Variants in SPOCK1 observed in about 807,000 individuals in gnomAD.
SPOCK1 encodes SPARC (osteonectin), cwcv and kazal like domains proteoglycan 1.
A neutral mutation model predicts 55.3 loss-of-function variants in SPOCK1; 23 were observed. That is an observed-to-expected ratio of 0.42 (90% CI 0.30 to 0.59). The LOEUF (loss-of-function observed/expected upper bound fraction) is 0.59. Among genes scored for constraint, SPOCK1 ranks in the 20% least tolerant of loss-of-function variants. The pLI is 0.22. For synonymous variants in SPOCK1, 226 were observed against 221.0 expected (o/e 1.02, Z -0.20); for missense variants, 499 against 552.5 (o/e 0.90, Z 0.97).
intron 3 of SPOCK1, among the ~76,000 whole-genome samples, chr5:137,243,482 C>T (rs1756330544): frequency 6.6e-6 from 1 of 152,104 alleles, no homozygotes; most frequent in Non-Finnish European, 1.5e-5. Flanking sequence ...ATGGGAACTG[C>T]TGTATTCACA....
intron 2 of SPOCK1, among the ~76,000 whole-genome samples, chr5:137,271,113 A>G (rs1248861417): frequency 6.6e-6 from 1 of 152,048 alleles, no homozygotes; most frequent in Non-Finnish European, 1.5e-5. Flanking sequence ...GGTTGGTGTT[A>G]GTGGGAGAGG....
At chr5:137,143,496 C>T (rs1356747218) in intron 3 of SPOCK1, among the ~76,000 whole-genome samples, 2 of 152,140 alleles carry the variant, frequency 1.3e-5, no homozygotes, top group African/African-American at 4.8e-5. Flanking sequence ...TGAACCCTGC[C>T]TCTGCTGCTT....
chr5:137,248,300 T>C (rs1756437499), intron 3 of SPOCK1, among the ~76,000 whole-genome samples: 1 of 152,210 alleles, frequency 6.6e-6, no homozygotes, highest in Non-Finnish European at 1.5e-5. Flanking sequence ...ATATCTTCTA[T>C]TTTATGTGTA....
chr5:137,362,869 A>C (rs909957581), intron 2 of SPOCK1, among the ~76,000 whole-genome samples: 5 of 152,234 alleles, frequency 3.3e-5, no homozygotes, highest in Admixed American at 6.5e-5. Flanking sequence ...CTCCTGACTT[A>C]GCACTAATTT....
At chr5:137,087,831 G>A (rs1752985141) in intron 5 of SPOCK1, among the ~76,000 whole-genome samples, 1 of 150,632 alleles carries the variant, frequency 6.6e-6, no homozygotes, top group South Asian at 2.2e-4. Context: ...GAAGCAGGGA[G>A]GAAGAAACAG....
chr5:137,132,767 G>T (rs1472999470), intron 4 of SPOCK1, among the ~76,000 whole-genome samples: 3 of 152,134 alleles, frequency 2.0e-5, no homozygotes, highest in Admixed American at 6.5e-5. Flanking sequence ...AATATGAACT[G>T]CCCCCTCTGG....
intron 2 of SPOCK1, among the ~76,000 whole-genome samples, chr5:137,439,973 C>T (rs1433769694): frequency 2.6e-5 from 4 of 151,972 alleles, no homozygotes; most frequent in African/African-American, 9.7e-5. Context: ...TACAGATGAA[C>T]AACAACTGAA....
At chr5:137,399,993 T>C (rs893775685) in intron 2 of SPOCK1, among the ~76,000 whole-genome samples, 3 of 152,204 alleles carry the variant, frequency 2.0e-5, no homozygotes, top group Admixed American at 1.3e-4. Context: ...CAACATTTCC[T>C]GAAAATAAAC....
At chr5:137,290,405 A>G (rs982298221) in intron 2 of SPOCK1, among the ~76,000 whole-genome samples, 1 of 152,224 alleles carries the variant, frequency 6.6e-6, no homozygotes, top group Non-Finnish European at 1.5e-5. Context: ...AAACTAACAT[A>G]TGATGAAAAG....
chr5:137,114,414 C>A (rs1408814562), intron 4 of SPOCK1, among the ~76,000 whole-genome samples: 2 of 152,184 alleles, frequency 1.3e-5, no homozygotes, highest in Non-Finnish European at 2.9e-5. Context: ...CTTGAAAATT[C>A]TTTGAGGGCA....
intron 6 of SPOCK1, among the ~76,000 whole-genome samples, chr5:137,059,120 CA>C (rs1363704364): frequency 1.1e-5 from 1 of 90,688 alleles, no homozygotes; most frequent in Non-Finnish European, 2.6e-5. Context: ...TATTATAATA[CA>C]AGACAAGGAT....
chr5:137,013,219 G>GGTTTT (rs561146794), intron 6 of SPOCK1, among the ~76,000 whole-genome samples: 12 of 142,890 alleles, frequency 8.4e-5, no homozygotes, highest in South Asian at 2.4e-4. Flanking sequence ...TTTCTTTTTA[G>GGTTTT]GTTTTGTTTT....
chr5:137,346,751 A>T (rs776464577), intron 2 of SPOCK1, among the ~76,000 whole-genome samples: 15 of 152,256 alleles, frequency 9.9e-5, no homozygotes, highest in Non-Finnish European at 1.9e-4. Context: ...AACTCCTGAT[A>T]GCACTGTGTG....
intron 2 of SPOCK1, among the ~76,000 whole-genome samples, chr5:137,445,853 A>G (rs1753116514): frequency 6.6e-6 from 1 of 152,152 alleles, no homozygotes; most frequent in Non-Finnish European, 1.5e-5. Flanking sequence ...AAGCTAATAG[A>G]TATATTATGC....
chr5:137,178,161 C>A (rs2127062596), intron 3 of SPOCK1, among the ~76,000 whole-genome samples: 1 of 152,296 alleles, frequency 6.6e-6, no homozygotes, highest in African/African-American at 2.4e-5. Flanking sequence ...GTTGCTTCAC[C>A]AAGACACTGC....
intron 2 of SPOCK1, among the ~76,000 whole-genome samples, chr5:137,354,397 C>T (rs575537356): frequency 3.4e-4 from 52 of 152,244 alleles, no homozygotes; most frequent in African/African-American, 1.3e-3. Context: ...TTCTCCAAGA[C>T]TCCCCAGGAT....
intron 3 of SPOCK1, among the ~76,000 whole-genome samples, chr5:137,165,781 G>A (rs775108276): frequency 3.9e-5 from 6 of 152,112 alleles, no homozygotes; most frequent in Non-Finnish European, 7.4e-5. Flanking sequence ...ACTAAAGAAT[G>A]CATCAGAGTC....
intron 6 of SPOCK1, among the ~76,000 whole-genome samples, chr5:137,001,093 T>C (rs1312946557): frequency 6.6e-6 from 1 of 152,214 alleles, no homozygotes. Flanking sequence ...TCGCTGAGAC[T>C]ACGGACAGGT....
chr5:137,109,315 G>C (rs1306249506), intron 5 of SPOCK1, among the ~76,000 whole-genome samples: 1 of 152,220 alleles, frequency 6.6e-6, no homozygotes, highest in Non-Finnish European at 1.5e-5. Context: ...CAGCTAAGCA[G>C]CTTGGCCCAG....
Sources: allele counts gnomAD v4.1 joint callset (sites outside exome capture counted in the v4.1 genomes callset), GRCh38; gene constraint gnomAD v4.1.1; transcripts MANE v1.5; gene names NCBI Gene and HGNC (gene_info 2026-07-23, HGNC 2026-07-21).